Variants in PHLDB1 observed in about 807,000 individuals in gnomAD.
PHLDB1 encodes pleckstrin homology-like domain family B member 1.
A neutral mutation model predicts 139.3 loss-of-function variants in PHLDB1; 65 were observed. The observed-to-expected ratio is 0.47, with a 90% CI of 0.38 to 0.57. The LOEUF is 0.57. Ranked by LOEUF, PHLDB1 falls within the 20% of genes least tolerant of loss-of-function variation. The pLI, the probability that PHLDB1 is intolerant of heterozygous loss-of-function variation, is 0.00. For synonymous variants in PHLDB1, 679 were observed against 734.5 expected, an observed-to-expected ratio of 0.92 and a Z score of 1.22; for missense variants, 1,624 against 1,839.7, an observed-to-expected ratio of 0.88 and a Z score of 2.14.
Position 118,656,757 on chromosome 11 carries a change from G to A in PHLDB1, c.4068G>A (p.Glu1356=). The part of the protein sequence containing the change: ...RLYYMVAPSA[E]AMRIWMDVIV... ...ACTACATGGTGGCCCCATCTGCAGA[G>A]GCCATGCGTATCTGGATGGATGTCA... The change falls in exon 23 of 23, where the codon GAG becomes GAA. Residue 1356 remains glutamate, a synonymous_variant. Transcript: ENST00000600882. The A allele has an allele frequency of 1.2e-6, 2 of 1,613,964 alleles. No individual in the cohort carries two copies. Among genetic ancestry groups the A allele is most frequent in the Non-Finnish European group, 1.7e-6 (2 of 1,179,830 alleles).
intron 20 of PHLDB1, chr11:118,651,820 C>G (rs1948393291): frequency 6.6e-6 from 1 of 151,322 alleles, no homozygotes; most frequent in Non-Finnish European, 1.5e-5. Context: ...CAGTGGCTTA[C>G]AAGTACTAGG....
rs1944157491 is a variant in PHLDB1 at position 118,627,987 on chromosome 11, C to T, written c.1164C>T (p.Val388=). The T allele has an allele frequency of 1.9e-6, 3 of 1,613,984 alleles. No homozygotes were observed. The highest frequency in any genetic ancestry group is 2.5e-6 in the Non-Finnish European group (3 of 1,180,030). Residue 388 remains valine (V), a synonymous_variant, in exon 6 of 23, where the codon GTC becomes GTT. Coordinates refer to ENST00000600882, the MANE Select transcript of PHLDB1 (RefSeq NM_001144758.3). ...GCAGCCCCAAGTTTCAGCCTCCAGT[C>T]CCTGCTCCCCGAAACAAGATTGGCA... ...IPGSPKFQPP[V]PAPRNKIGTL... is the part of the protein sequence containing the mutation.
chr11:118,617,187 T>G (rs782132776), intron 4 of PHLDB1, among the ~76,000 whole-genome samples: 1 of 152,110 alleles, frequency 6.6e-6, no homozygotes, highest in Non-Finnish European at 1.5e-5. Flanking sequence ...TGGGCATCAG[T>G]TCATACAGTG....
intron 4 of PHLDB1, among the ~76,000 whole-genome samples, chr11:118,621,729 C>T (rs1555095215): frequency 6.6e-6 from 1 of 152,180 alleles, no homozygotes. Context: ...GGATTCTGGG[C>T]TTGGGGGCAC....
At position 118,632,796 on chromosome 11, in the gene PHLDB1, GC is replaced by G. The variant is rs1945006783; in HGVS notation, c.2379+504del. 3.2e-6 allele frequency: 3 copies of G among 946,946 alleles called. No homozygotes were observed. The highest frequency in any genetic ancestry group is 3.5e-5 in the African/African-American group (2 of 56,368). The allele number at this position is 946,946 out of a possible 1,614,324, so 58.7% of individuals were successfully genotyped here. A position where few individuals can be genotyped will look rare whatever the true frequency, so the allele number is the denominator to read the frequency against. On this transcript the variant is annotated intron_variant, in intron 9 of 22. Coordinates refer to ENST00000600882, the MANE Select transcript of PHLDB1 (RefSeq NM_001144758.3). This position sits in a 1 kb window ranked among gnomAD's most constrained non-coding sequence, Gnocchi z 5.9. Reference sequence around the variant, plus strand: ...CCAGGTGATCCTAGCTCCTGCCCCTGCCCCTTTCAGATTTCGTGCCAGCCTG... The same window carrying G: ...CCAGGTGATCCTAGCTCCTGCCCCTGCCCTTTCAGATTTCGTGCCAGCCTG...
At chr11:118,615,293 CAAG>C (rs1941396110) in intron 3 of PHLDB1, 1 of 151,756 alleles carries the variant, frequency 6.6e-6, no homozygotes, top group Non-Finnish European at 1.5e-5. Context: ...CCAATGTGGC[CAAG>C]AAGAAAAAGG....
intron 5 of PHLDB1, 36 bp from the exon 6 acceptor site, chr11:118,627,269 C>A: frequency 6.2e-7 from 1 of 1,606,068 alleles, no homozygotes; most frequent in Non-Finnish European, 8.5e-7. Flanking sequence ...GCATATGCAG[C>A]TCCCTAAAGT....
chr11:118,643,836 C>T lies in PHLDB1; in HGVS notation c.2914C>T (p.Pro972Ser), dbSNP rs1555123691. The stretch of plus-strand genomic sequence containing the variant: ...CAAGATGGATGGCGAGGCCACCAGC[C>T]CCCTTCCCCGGACCCGCAGCGGCCC... ...RSKMDGEATSPLPRTRSGPLP... is the reference protein window; with the variant it reads ...RSKMDGEATSSLPRTRSGPLP... Residue 972 changes from proline to serine, a missense_variant, in exon 14 of 23, where the codon CCC becomes TCC. By Grantham distance (74) the Pro-to-Ser change is moderately conservative. Transcript: ENST00000600882. 6.2e-7 allele frequency: 1 copy of T among 1,614,062 alleles called. No homozygotes were observed. Among genetic ancestry groups the T allele is most frequent in the African/African-American group, 1.3e-5 (1 of 75,052 alleles).
rs1292647180 is a variant in PHLDB1 at position 118,611,283 on chromosome 11, T to G, written c.-21-2533T>G. 6.6e-6 allele frequency among the ~76,000 whole-genome samples: 1 copy of G among 152,204 alleles called. No individual in the cohort carries two copies. Among genetic ancestry groups the G allele is most frequent in the Non-Finnish European group, 1.5e-5 (1 of 68,026 alleles). On this transcript the variant is annotated intron_variant, in intron 1 of 22. Transcript: ENST00000600882. This position sits in a 1 kb window ranked among gnomAD's most constrained non-coding sequence, Gnocchi z 4.7. ...TGTGCTGGGGCCACAGCCTCGCACC[T>G]CCCAATCTCTCCATCTTTTCTTATC...
rs200883102 is a variant in PHLDB1, at chr11:118,648,012, A to C, written c.3590A>C (p.Glu1197Ala). Residue 1197 changes from glutamate to alanine, a missense_variant, in exon 18 of 23, where the codon GAG becomes GCG. Coordinates refer to ENST00000600882, the MANE Select transcript of PHLDB1 (RefSeq NM_001144758.3). ...REQVERRLQS[E>A]SARRQQLVEK... is the part of the protein sequence containing the mutation. The stretch of plus-strand genomic sequence containing the variant: ...CAGGTAGAACGGAGGCTGCAGAGTG[A>C]GAGTGCCCGGAGGCAGCAGCTGGTC... 151 of 1,612,328 alleles carry C rather than the reference A, an allele frequency of 9.4e-5. No individual in the cohort carries two copies. The African/African-American group carries it at 1.8e-3, about 20-fold the overall frequency.
chr11:118,657,874 C>G lies in PHLDB1; in HGVS notation c.*1051C>G, dbSNP rs1949209470. Reference sequence around the variant, plus strand: ...AAATGGAGAGTGGAGGACCAGGCCTCCAGCTGTCTGGCCTCGCCCTTCACG... The same window carrying G: ...AAATGGAGAGTGGAGGACCAGGCCTGCAGCTGTCTGGCCTCGCCCTTCACG... On this transcript the variant is annotated 3_prime_UTR_variant, in exon 23 of 23. Coordinates refer to ENST00000600882, the MANE Select transcript of PHLDB1 (RefSeq NM_001144758.3). 1 of 171,656 alleles carries G rather than the reference C, an allele frequency of 5.8e-6. No homozygotes were observed. The highest frequency in any genetic ancestry group is 1.3e-5 in the Non-Finnish European group (1 of 79,804). The allele number at this position is 171,656 out of a possible 1,614,324, so 10.6% of individuals were successfully genotyped here.
intron 12 of PHLDB1, 130 bp from the exon 13 acceptor site, chr11:118,642,124 C>A: frequency 1.2e-6 from 1 of 837,302 alleles, no homozygotes; most frequent in Non-Finnish European, 2.0e-6. Context: ...CCTTTTTAAC[C>A]TTCCCCTTCC....
At chr11:118,623,872 ATT>A (rs1216019463) in intron 4 of PHLDB1, among the ~76,000 whole-genome samples, 6 of 130,912 alleles carry the variant, frequency 4.6e-5, no homozygotes, top group Admixed American at 1.5e-4. Flanking sequence ...TTCTCTGAAC[ATT>A]TGTGTGTGTG....
rs1948134738 is a variant in PHLDB1 at position 118,650,077 on chromosome 11, G to A, written c.3655G>A (p.Ala1219Thr). 2.5e-6 allele frequency: 4 copies of A among 1,612,534 alleles called. No homozygotes were observed. The highest frequency in any genetic ancestry group is 3.4e-6 in the Non-Finnish European group (4 of 1,178,556). The change falls in exon 19 of 23, where the codon GCA becomes ACA. Residue 1219 changes from alanine to threonine, a missense_variant and splice_region_variant. By Grantham distance (58) the Ala-to-Thr change is moderately conservative (BLOSUM62 0). Coordinates refer to ENST00000600882, the MANE Select transcript of PHLDB1 (RefSeq NM_001144758.3). The surrounding 1 kb of genome is among the most constrained non-coding windows in gnomAD (Gnocchi z 4.7). ...VKMREKQFSQ[A>T]RPLTRYLPIR... ...TCCTGACCCTCCCTCTTGCTCCCAG[G>A]CACGACCCCTGACCCGCTACCTGCC...
At position 118,631,345 on chromosome 11, in the gene PHLDB1, G is replaced by T; in HGVS notation, c.1966G>T (p.Gly656Cys). 6.5e-7 allele frequency: 1 copy of T among 1,536,548 alleles called. No individual in the cohort carries two copies. The highest frequency in any genetic ancestry group is 8.7e-7 in the Non-Finnish European group (1 of 1,143,100). ...LALAGRRPSR[G>C]LAGASGRSSE... ...ACTGGCAGGCCGGAGGCCCTCACGA[G>T]GCCTTGCAGGGGCCTCTGGGCGGAG... Residue 656 changes from glycine (G) to cysteine (C), a missense_variant, in exon 7 of 23, where the codon GGC (glycine) becomes TGC (cysteine). Gly to Cys is a radical substitution (Grantham distance 159). Coordinates refer to ENST00000600882, the MANE Select transcript of PHLDB1 (RefSeq NM_001144758.3).
intron 11 of PHLDB1, 70 bp downstream of exon 11, chr11:118,639,071 G>C: frequency 3.9e-6 from 6 of 1,549,002 alleles, no homozygotes; most frequent in Non-Finnish European, 5.4e-6. Context: ...GAAGGACTGG[G>C]GTGTAAATGT....
rs1257513151 is a variant in PHLDB1 at position 118,655,966 on chromosome 11, C to T, written c.3993+74C>T. ...CCCACTCATCCCTGACCCTTGACCT[C>T]CCCTTCATCCCCCTCCCTTCCCCCA... On this transcript the variant is annotated intron_variant, in intron 22 of 22. Coordinates refer to ENST00000600882, the MANE Select transcript of PHLDB1 (RefSeq NM_001144758.3). The T allele has an allele frequency of 1.3e-5, 13 of 1,039,052 alleles. No homozygotes were observed. The Admixed American group carries it at 2.1e-4, about 17-fold the overall frequency. The allele number at this position is 1,039,052 out of a possible 1,614,324, so 64.4% of individuals were successfully genotyped here. A position where few individuals can be genotyped will look rare whatever the true frequency, so the allele number is the denominator to read the frequency against.
At position 118,614,644 on chromosome 11, in the gene PHLDB1, G is replaced by A. The variant is rs782059862; in HGVS notation, c.146G>A (p.Arg49Gln). 3.7e-6 allele frequency: 6 copies of A among 1,613,726 alleles called. No individual in the cohort carries two copies. Among genetic ancestry groups the A allele is most frequent in the Non-Finnish European group, 5.1e-6 (6 of 1,179,892 alleles). Reference sequence around the variant, plus strand: ...CACCTGGTGAGCCTGGGCAGTGGGCGACTCAGCACAGCCATCACCCTCCTG... The same window carrying A: ...CACCTGGTGAGCCTGGGCAGTGGGCAACTCAGCACAGCCATCACCCTCCTG... The part of the protein sequence containing the change: ...KPHLVSLGSG[R>Q]LSTAITLLPL... Residue 49 changes from arginine to glutamine, a missense_variant, in exon 3 of 23, where the codon CGA becomes CAA. Coordinates refer to ENST00000600882, the MANE Select transcript of PHLDB1 (RefSeq NM_001144758.3).
Position 118,643,841 on chromosome 11 carries a change from T to C in PHLDB1, c.2919T>C (p.Leu973=). Residue 973 remains leucine, a synonymous_variant, in exon 14 of 23, where the codon CTT becomes CTC. Coordinates refer to ENST00000600882, the MANE Select transcript of PHLDB1 (RefSeq NM_001144758.3). ...SKMDGEATSP[L]PRTRSGPLPS... ...TGGATGGCGAGGCCACCAGCCCCCT[T>C]CCCCGGACCCGCAGCGGCCCCCTCC... The C allele has an allele frequency of 6.2e-7, 1 of 1,613,984 alleles. No individual in the cohort carries two copies. The highest frequency in any genetic ancestry group is 8.5e-7 in the Non-Finnish European group (1 of 1,179,954).
Sources: gnomAD v4.1 joint callset for allele counts (sites outside exome capture counted in the v4.1 genomes callset) on GRCh38, gnomAD v4.1.1 for gene constraint, Gnocchi (gnomAD v3.1) non-coding constraint, MANE v1.5 for transcripts, NCBI Gene and HGNC (gene_info 2026-07-23, HGNC 2026-07-21) for gene names.